The following SHISAL1 variants were observed in gnomAD, a reference collection of about 807,000 sequenced individuals.
The protein encoded by SHISAL1 is protein shisa-like-1.
In SHISAL1, 9 loss-of-function variants were observed where a neutral mutation model predicts 22.6. The observed-to-expected ratio is 0.40, with a 90% CI of 0.24 to 0.70. The LOEUF (loss-of-function observed/expected upper bound fraction) is 0.70, where lower values mean the gene tolerates loss of function less well. Among genes scored for constraint, SHISAL1 ranks in the 30% least tolerant of loss-of-function variants. The pLI, the probability that SHISAL1 is intolerant of heterozygous loss-of-function variation, is 0.39. For missense variants in SHISAL1, 246 were observed against 270.6 expected (o/e 0.91, Z 0.64); for synonymous variants, 119 against 115.4 (o/e 1.03, Z -0.20).
chr22:44,269,680 TAC>T (rs2055193182), intron 4 of SHISAL1, among the ~76,000 whole-genome samples: 1 of 143,446 alleles, frequency 7.0e-6, no homozygotes, highest in South Asian at 2.2e-4. Flanking sequence ...CCACACAATA[TAC>T]ACACACCAAG....
upstream of SHISAL1, among the ~76,000 whole-genome samples, chr22:44,315,579 C>T (rs2055552783): frequency 6.6e-6 from 1 of 152,170 alleles, no homozygotes; most frequent in African/African-American, 2.4e-5. Flanking sequence ...CATCTATAAA[C>T]TGAGGACACC....
rs1156884650 is a variant in SHISAL1 at position 44,248,319 on chromosome 22, A to G, written c.*1366T>C. The G allele has an allele frequency of 6.6e-6, 1 of 152,276 alleles. No homozygotes were observed. Among genetic ancestry groups the G allele is most frequent in the East Asian group, 1.9e-4 (1 of 5,174 alleles). 9.4% of individuals were successfully genotyped at this position (152,276 alleles called of 1,614,324 possible). On this transcript the variant is annotated 3_prime_UTR_variant, in exon 5 of 5. Transcript: ENST00000381176. ...CGTCAGAGGACACACACATTGATCA[A>G]GCAGGGCCTCCCGAGCTAAGAGCTG...
chr22:44,274,511 C>T (rs1254855328), intron 4 of SHISAL1, among the ~76,000 whole-genome samples: 1 of 152,118 alleles, frequency 6.6e-6, no homozygotes, highest in Non-Finnish European at 1.5e-5. Flanking sequence ...CCTCCTCCTG[C>T]CCCCAGGAGA....
chr22:44,319,292 C>T, the SHISAL1 span, among the ~76,000 whole-genome samples: 1 of 152,248 alleles, frequency 6.6e-6, no homozygotes, highest in African/African-American at 2.4e-5. Flanking sequence ...GAGAACACAG[C>T]CTCGGAGAGA....
chr22:44,326,778 A>G, the SHISAL1 span, among the ~76,000 whole-genome samples: 1 of 152,068 alleles, frequency 6.6e-6, no homozygotes, highest in Admixed American at 6.5e-5. Flanking sequence ...GTCGAAAAAT[A>G]TAGGACTGGA....
chr22:44,309,268 A>G (rs1163465011), intron 1 of SHISAL1, among the ~76,000 whole-genome samples: 1 of 152,096 alleles, frequency 6.6e-6, no homozygotes, highest in African/African-American at 2.4e-5. Flanking sequence ...AGGCGGTCAC[A>G]GACAGTAGAT....
chr22:44,291,874 C>T (rs1050206994), intron 3 of SHISAL1, among the ~76,000 whole-genome samples: 4 of 152,140 alleles, frequency 2.6e-5, no homozygotes, highest in African/African-American at 9.7e-5. Flanking sequence ...TCTGAGTCGC[C>T]ATTGCTGGTG....
chr22:44,285,333 T>G, intron 4 of SHISAL1, 95 bp downstream of exon 4: 4 of 1,343,068 alleles, frequency 3.0e-6, no homozygotes, highest in Non-Finnish European at 4.2e-6. Flanking sequence ...AGGCAACCAA[T>G]GAGCCAAACA....
chr22:44,256,445 A>G (rs1205366834), intron 4 of SHISAL1, among the ~76,000 whole-genome samples: 1 of 152,184 alleles, frequency 6.6e-6, no homozygotes, highest in Non-Finnish European at 1.5e-5. Context: ...ATGTGTGTCT[A>G]TATGCGACTG....
chr22:44,311,717 C>G (rs55924220), intron 1 of SHISAL1, among the ~76,000 whole-genome samples: 20 of 152,336 alleles, frequency 1.3e-4, no homozygotes, highest in African/African-American at 4.6e-4. Flanking sequence ...GCTGAAGGCC[C>G]TAGATGCCCC....
At chr22:44,329,863 G>A in the SHISAL1 span, among the ~76,000 whole-genome samples, 3 of 152,298 alleles carry the variant, frequency 2.0e-5, no homozygotes, top group East Asian at 1.9e-4. Flanking sequence ...ACTTCTCACC[G>A]AAGCTGAAGC....
intron 4 of SHISAL1, among the ~76,000 whole-genome samples, chr22:44,250,092 C>G (rs2055036935): frequency 6.6e-6 from 1 of 152,220 alleles, no homozygotes; most frequent in Non-Finnish European, 1.5e-5. Flanking sequence ...ACAGTGTGCA[C>G]TGACCTCAGC....
intron 3 of SHISAL1, 110 bp downstream of exon 3, chr22:44,296,562 C>T (rs890017111): frequency 3.8e-5 from 34 of 891,008 alleles, no homozygotes; most frequent in African/African-American, 6.6e-5. Flanking sequence ...CAGGCCCACC[C>T]AACCTTATAG....
At chr22:44,275,687 A>G (rs2055234874) in intron 4 of SHISAL1, among the ~76,000 whole-genome samples, 1 of 152,146 alleles carries the variant, frequency 6.6e-6, no homozygotes, top group South Asian at 2.1e-4. Flanking sequence ...CCTGGGTTCC[A>G]ATTCTGACCC....
At chr22:44,270,046 G>A (rs747055821) in intron 4 of SHISAL1, among the ~76,000 whole-genome samples, 8 of 152,138 alleles carry the variant, frequency 5.3e-5, no homozygotes, top group African/African-American at 1.2e-4. Flanking sequence ...CCACTGCCTC[G>A]GGCACAGTGA....
At chr22:44,267,137 G>A (rs752658436) in intron 4 of SHISAL1, among the ~76,000 whole-genome samples, 2 of 152,044 alleles carry the variant, frequency 1.3e-5, no homozygotes, top group African/African-American at 2.4e-5. Flanking sequence ...GGCAGGGCAC[G>A]CAGCCCACAT....
At chr22:44,261,180 C>T (rs2055121915) in intron 4 of SHISAL1, among the ~76,000 whole-genome samples, 1 of 147,744 alleles carries the variant, frequency 6.8e-6, no homozygotes, top group South Asian at 2.2e-4. Flanking sequence ...CTTATAGCTT[C>T]TTCGAGGGTA....
intron 1 of SHISAL1, among the ~76,000 whole-genome samples, chr22:44,302,025 C>A (rs1348084864): frequency 6.6e-6 from 1 of 152,110 alleles, no homozygotes; most frequent in Non-Finnish European, 1.5e-5. Context: ...TTACTCAATG[C>A]CACTGACTGT....
chr22:44,266,627 TG>T, intron 4 of SHISAL1, among the ~76,000 whole-genome samples: 1 of 151,556 alleles, frequency 6.6e-6, no homozygotes, highest in East Asian at 2.0e-4. Flanking sequence ...CAGGGCACAT[TG>T]TAGGTGCTCT....
Sources: allele counts gnomAD v4.1 joint callset (sites outside exome capture counted in the v4.1 genomes callset), GRCh38; gene constraint gnomAD v4.1.1; transcripts MANE v1.5; gene names NCBI Gene and HGNC (gene_info 2026-07-23, HGNC 2026-07-21).